Variants in MARK3 observed in about 807,000 individuals in gnomAD.
MARK3 encodes the protein MAP/microtubule affinity-regulating kinase 3.
In MARK3, 46 loss-of-function variants were observed where a neutral mutation model predicts 90.1. The observed-to-expected ratio is 0.51, with a 90% confidence interval of 0.40 to 0.65. The LOEUF (loss-of-function observed/expected upper bound fraction) is 0.65, where lower values mean the gene tolerates loss of function less well. MARK3 is among the 30% of genes least tolerant of loss of function. The probability of loss-of-function intolerance (pLI) is 0.00; values close to 1 mark genes in which losing one functional copy is unlikely to be tolerated. For missense variants in MARK3, 818 were observed against 947.2 expected (o/e 0.86, Z 1.79); for synonymous variants, 321 against 332.6 (o/e 0.97, Z 0.38).
chr14:103,447,802 G>A (rs1003062242), intron 3 of MARK3, among the ~76,000 whole-genome samples: 1 of 152,084 alleles, frequency 6.6e-6, no homozygotes, highest in Admixed American at 6.5e-5. Context: ...TTGAGACAGG[G>A]TCTCGCTTTG....
chr14:103,470,724 TCGGATTACA>T (rs2093612574), intron 12 of MARK3, among the ~76,000 whole-genome samples: 1 of 152,064 alleles, frequency 6.6e-6, no homozygotes, highest in Non-Finnish European at 1.5e-5. Context: ...CCCAAAGTGC[TCGGATTACA>T]GGCATGAGTC....
chr14:103,421,835 A>G (rs370416246), intron 2 of MARK3, among the ~76,000 whole-genome samples: 2 of 152,290 alleles, frequency 1.3e-5, no homozygotes, highest in African/African-American at 4.8e-5. Flanking sequence ...AGAGAAATGC[A>G]TGTGATCAAT....
At chr14:103,437,172 G>A (rs768607650) in intron 3 of MARK3, among the ~76,000 whole-genome samples, 130 of 152,004 alleles carry the variant, frequency 8.6e-4, no homozygotes, top group Non-Finnish European at 1.5e-3. Flanking sequence ...TAGAAAAACC[G>A]GCTTTCAGTA....
intron 5 of MARK3, 133 bp downstream of exon 5, chr14:103,452,116 T>C: frequency 1.8e-6 from 1 of 568,788 alleles, no homozygotes; most frequent in South Asian, 2.6e-5. Context: ...AGGATGAGAG[T>C]CGGAAAAGCT....
chr14:103,460,073 CTTTTTTTTTTTTTTTTTTTTTTTTT>C (rs571611660), intron 6 of MARK3, among the ~76,000 whole-genome samples: 5 of 41,704 alleles, frequency 1.2e-4, no homozygotes, highest in Non-Finnish European at 1.6e-4. Context: ...CCAGCTCCAT[CTTTTTTTTTTTTTTTTTTTTTTTTT>C]TTTTTTGAGA....
chr14:103,496,839 A>G (rs1401856416), intron 15 of MARK3, among the ~76,000 whole-genome samples: 2 of 152,140 alleles, frequency 1.3e-5, no homozygotes, highest in African/African-American at 2.4e-5. Context: ...CAGGAGTTCA[A>G]GGCTGACCTG....
At chr14:103,480,519 A>G in intron 14 of MARK3, 29 bp downstream of exon 14, 1 of 1,451,508 alleles carries the variant, frequency 6.9e-7, no homozygotes, top group Non-Finnish European at 9.6e-7. Flanking sequence ...TTGTAAGAAA[A>G]GTTGTTTTTC....
intron 15 of MARK3, among the ~76,000 whole-genome samples, chr14:103,493,210 T>C (rs990177384): frequency 1.3e-4 from 20 of 151,284 alleles, no homozygotes; most frequent in African/African-American, 4.8e-4. Context: ...CTACTTATTA[T>C]TAGGACATGG....
intron 14 of MARK3, among the ~76,000 whole-genome samples, chr14:103,488,766 G>A (rs2093972533): frequency 6.6e-6 from 1 of 152,226 alleles, no homozygotes; most frequent in African/African-American, 2.4e-5. Context: ...GACCCCAGGA[G>A]GTTGAGGCTG....
chr14:103,450,127 A>T (rs1282690333), intron 4 of MARK3, among the ~76,000 whole-genome samples: 1 of 152,144 alleles, frequency 6.6e-6, no homozygotes, highest in Non-Finnish European at 1.5e-5. Context: ...CTTCATCCTG[A>T]TATCAGGGAT....
intron 4 of MARK3, 90 bp downstream of exon 4, chr14:103,449,057 G>GTACACTTC: frequency 1.5e-6 from 2 of 1,303,396 alleles, no homozygotes; most frequent in Non-Finnish European, 2.1e-6. Flanking sequence ...AAATGGTAGA[G>GTACACTTC]TACACTTCTA....
chr14:103,406,164 G>A (rs1489661058), intron 2 of MARK3, among the ~76,000 whole-genome samples: 1 of 152,028 alleles, frequency 6.6e-6, no homozygotes, highest in Non-Finnish European at 1.5e-5. Context: ...CCAGAGTGTT[G>A]GGATTACAGG....
chr14:103,415,435 A>C (rs1432298080), intron 2 of MARK3, among the ~76,000 whole-genome samples: 1 of 152,186 alleles, frequency 6.6e-6, no homozygotes, highest in Admixed American at 6.5e-5. Flanking sequence ...TGTGAAATTC[A>C]TCTGATTTAG....
intron 7 of MARK3, among the ~76,000 whole-genome samples, chr14:103,462,850 G>A (rs1198886901): frequency 6.6e-6 from 1 of 152,146 alleles, no homozygotes; most frequent in Non-Finnish European, 1.5e-5. Flanking sequence ...AAGGTCCTCA[G>A]CCTCTGCCCT....
At chr14:103,401,960 A>AC (rs2090989713) in intron 1 of MARK3, among the ~76,000 whole-genome samples, 1 of 152,184 alleles carries the variant, frequency 6.6e-6, no homozygotes, top group Admixed American at 6.5e-5. Flanking sequence ...AACTAAGGGA[A>AC]CAACACTGAC....
intron 2 of MARK3, among the ~76,000 whole-genome samples, chr14:103,420,949 TGGGCCCCAA>T (rs1427047903): frequency 6.6e-6 from 1 of 152,162 alleles, no homozygotes; most frequent in Non-Finnish European, 1.5e-5. Context: ...CCATTTAAAA[TGGGCCCCAA>T]GCATAGTGCT....
At chr14:103,472,965 C>T (rs1301326782) in intron 12 of MARK3, among the ~76,000 whole-genome samples, 3 of 151,178 alleles carry the variant, frequency 2.0e-5, no homozygotes, top group African/African-American at 7.3e-5. Flanking sequence ...AAGATTGAGC[C>T]ACTGCACTCC....
Position 103,503,494 on chromosome 14 carries a change from G to A in MARK3, c.*267G>A. 2.1e-6 allele frequency: 1 copy of A among 480,110 alleles called. No individual in the cohort carries two copies. The highest frequency in any genetic ancestry group is 2.4e-5 in the South Asian group (1 of 41,014). The allele number at this position is 480,110 out of a possible 1,614,324, so 29.7% of individuals were successfully genotyped here. On this transcript the variant is annotated 3_prime_UTR_variant, in exon 18 of 18. Coordinates refer to ENST00000429436, the MANE Select transcript of MARK3 (RefSeq NM_001128918.3). Reference sequence around the variant, plus strand: ...CCCCATCTCCATGTGCCTCCCGTCTGGGTGGGTGTGAGAGTGGACGGTATG... The same window carrying A: ...CCCCATCTCCATGTGCCTCCCGTCTAGGTGGGTGTGAGAGTGGACGGTATG...
chr14:103,403,471 A>G (rs2091094869), intron 1 of MARK3, among the ~76,000 whole-genome samples: 1 of 152,068 alleles, frequency 6.6e-6, no homozygotes. Context: ...AGTGGTTAGC[A>G]TTTATATCAT....
Sources: allele counts gnomAD v4.1 joint callset (sites outside exome capture counted in the v4.1 genomes callset), GRCh38; gene constraint gnomAD v4.1.1; transcripts MANE v1.5; gene names NCBI Gene and HGNC (gene_info 2026-07-23, HGNC 2026-07-21).